The following PCLO variants were observed in gnomAD, a reference collection of about 807,000 sequenced individuals.
The protein encoded by PCLO is protein piccolo.
Under a neutral mutation model 427.5 loss-of-function variants are expected in PCLO, and 82 were observed. The observed-to-expected ratio is 0.19, with a 90% CI of 0.16 to 0.23. The LOEUF (loss-of-function observed/expected upper bound fraction) is 0.23. Among genes scored for constraint, PCLO ranks in the 10% least tolerant of loss-of-function variants. The probability of loss-of-function intolerance (pLI) is 1.00; values close to 1 mark genes in which losing one functional copy is unlikely to be tolerated. For missense variants in PCLO, 6,239 were observed against 6,115.9 expected, an observed-to-expected ratio of 1.02 and a Z score of -0.67; for synonymous variants, 2,357 against 2,155.4, an observed-to-expected ratio of 1.09 and a Z score of -2.59.
chr7:83,118,605 A>G (rs1791192637), intron 3 of PCLO, among the ~76,000 whole-genome samples: 1 of 152,162 alleles, frequency 6.6e-6, no homozygotes, highest in Admixed American at 6.5e-5. Context: ...GTCACAGCAG[A>G]ACACAACAGA....
At chr7:82,780,081 T>G (rs551717395) in intron 22 of PCLO, among the ~76,000 whole-genome samples, 3 of 152,326 alleles carry the variant, frequency 2.0e-5, no homozygotes, top group Admixed American at 6.5e-5. Flanking sequence ...TCAGCTAATA[T>G]GCTGTACTAC....
chr7:82,838,710 A>G (rs529213719), intron 14 of PCLO, among the ~76,000 whole-genome samples: 150 of 152,050 alleles, frequency 9.9e-4, no homozygotes, highest in Non-Finnish European at 1.8e-3. Flanking sequence ...TTTGAAAAGA[A>G]ATTAACTAAT....
At chr7:82,810,280 C>G (rs932157226) in intron 20 of PCLO, among the ~76,000 whole-genome samples, 4 of 151,612 alleles carry the variant, frequency 2.6e-5, no homozygotes, top group African/African-American at 9.7e-5. Flanking sequence ...ATTAGAGTTT[C>G]AGAAACCAAG....
chr7:82,865,497 A>G (rs570728041), intron 10 of PCLO, among the ~76,000 whole-genome samples: 2 of 152,190 alleles, frequency 1.3e-5, no homozygotes, highest in East Asian at 1.9e-4. Context: ...CAGAAAAAAC[A>G]AACAAACAAA....
chr7:83,143,731 C>G (rs932081101), intron 2 of PCLO, among the ~76,000 whole-genome samples: 4 of 151,552 alleles, frequency 2.6e-5, no homozygotes, highest in African/African-American at 7.3e-5. Context: ...GTATCCATAC[C>G]GTATCACAAT....
intron 3 of PCLO, among the ~76,000 whole-genome samples, chr7:83,010,435 T>C (rs1156503243): frequency 1.3e-5 from 2 of 151,720 alleles, no homozygotes; most frequent in African/African-American, 4.8e-5. Flanking sequence ...CTAGTTGACA[T>C]CCAATTCAGG....
At chr7:82,894,059 G>A (rs931598243) in intron 9 of PCLO, among the ~76,000 whole-genome samples, 1 of 151,812 alleles carries the variant, frequency 6.6e-6, no homozygotes, top group Admixed American at 6.6e-5. Context: ...TTTTGAGAAT[G>A]AGTAAAAAAA....
chr7:83,142,374 G>C (rs936698793), intron 2 of PCLO, among the ~76,000 whole-genome samples: 3 of 151,986 alleles, frequency 2.0e-5, no homozygotes, highest in Non-Finnish European at 2.9e-5. Flanking sequence ...CATCTAAATG[G>C]ACTATTTACT....
chr7:82,960,810 C>T (rs1044695816), intron 4 of PCLO, among the ~76,000 whole-genome samples: 1 of 151,960 alleles, frequency 6.6e-6, no homozygotes, highest in Non-Finnish European at 1.5e-5. Context: ...AAATAATACA[C>T]ATATATAAAT....
At chr7:83,026,447 T>A (rs1194057486) in intron 3 of PCLO, among the ~76,000 whole-genome samples, 1 of 152,078 alleles carries the variant, frequency 6.6e-6, no homozygotes. Flanking sequence ...GGACCCAGAT[T>A]CATAAAGCAA....
intron 6 of PCLO, among the ~76,000 whole-genome samples, chr7:82,941,962 T>C (rs1409642103): frequency 6.6e-6 from 1 of 152,166 alleles, no homozygotes; most frequent in African/African-American, 2.4e-5. Context: ...AAGGATCACT[T>C]GAGGTCAGGA....
At chr7:82,794,459 CTTTTTTTTTTTTTT>C (rs778108792) in intron 22 of PCLO, among the ~76,000 whole-genome samples, 5 of 56,348 alleles carry the variant, frequency 8.9e-5, no homozygotes, top group Admixed American at 2.7e-4. Flanking sequence ...AATTTTTTTT[CTTTTTTTTTTTTTT>C]TTTTTTTTTT....
At chr7:82,879,312 T>A in intron 10 of PCLO, 25 bp downstream of exon 10, 2 of 1,582,846 alleles carry the variant, frequency 1.3e-6, no homozygotes, top group Non-Finnish European at 1.7e-6. Context: ...TCATTTTATT[T>A]TACTGTAAAA....
At chr7:83,099,805 T>C (rs1417453067) in intron 3 of PCLO, among the ~76,000 whole-genome samples, 1 of 150,598 alleles carries the variant, frequency 6.6e-6, no homozygotes, top group African/African-American at 2.4e-5. Context: ...ACATGATACA[T>C]ACTCCATAAA....
chr7:82,902,547 G>A (rs1315171897), intron 9 of PCLO, 104 bp downstream of exon 9: 11 of 644,162 alleles, frequency 1.7e-5, no homozygotes, highest in Admixed American at 4.9e-5. Context: ...TGCACATTGT[G>A]CACATGTACC....
intron 22 of PCLO, among the ~76,000 whole-genome samples, chr7:82,773,506 T>C (rs1187853349): frequency 1.3e-5 from 2 of 152,194 alleles, no homozygotes; most frequent in Non-Finnish European, 2.9e-5. Context: ...TAAAATGCAA[T>C]AAATGTGATC....
chr7:83,116,924 A>G (rs1202190349), intron 3 of PCLO, among the ~76,000 whole-genome samples: 1 of 152,198 alleles, frequency 6.6e-6, no homozygotes, highest in African/African-American at 2.4e-5. Context: ...AATATCCAAT[A>G]TATGGAATCA....
chr7:83,158,846 T>G (rs1792364961), intron 1 of PCLO, among the ~76,000 whole-genome samples: 2 of 151,860 alleles, frequency 1.3e-5, no homozygotes, highest in African/African-American at 4.8e-5. Context: ...TAAATAAAAG[T>G]AAAACACAGA....
intron 3 of PCLO, among the ~76,000 whole-genome samples, chr7:83,130,954 G>A (rs1791556486): frequency 6.6e-6 from 1 of 152,130 alleles, no homozygotes; most frequent in Admixed American, 6.5e-5. Context: ...TATTTTCATA[G>A]TAAAAAAGTT....
Sources: allele counts gnomAD v4.1 joint callset (sites outside exome capture counted in the v4.1 genomes callset), GRCh38; gene constraint gnomAD v4.1.1; transcripts MANE v1.5; gene names NCBI Gene and HGNC (gene_info 2026-07-23, HGNC 2026-07-21).